Variants in HERC1 observed in about 807,000 individuals in gnomAD.
HERC1 encodes HECT and RLD domain containing E3 ubiquitin protein ligase family member 1, also known as probable E3 ubiquitin-protein ligase HERC1.
Under a neutral mutation model 554.3 loss-of-function variants are expected in HERC1, and 160 were observed. That is an observed-to-expected ratio of 0.29 (90% CI 0.25 to 0.33). HERC1 has a LOEUF of 0.33. Among genes scored for constraint, HERC1 ranks in the 10% least tolerant of loss-of-function variants. The probability of loss-of-function intolerance (pLI) is 1.00; values close to 1 mark genes in which losing one functional copy is unlikely to be tolerated. For missense variants in HERC1, 4,919 were observed against 5,918.5 expected (o/e 0.83, Z 5.54); for synonymous variants, 2,175 against 2,131.7 (o/e 1.02, Z -0.56).
At chr15:63,705,815 A>C (rs578247429) in intron 25 of HERC1, among the ~76,000 whole-genome samples, 127 of 152,172 alleles carry the variant, frequency 8.3e-4, no homozygotes, top group Non-Finnish European at 1.5e-3. Context: ...GGACTGCTTG[A>C]GCCCAGGAGT....
intron 61 of HERC1, 124 bp from the exon 62 acceptor site, chr15:63,638,900 AAATT>A: frequency 1.4e-6 from 1 of 722,410 alleles, no homozygotes; most frequent in Non-Finnish European, 2.4e-6. Flanking sequence ...ATATTATGAT[AAATT>A]AAGAGCAGTT....
Position 63,785,773 on chromosome 15 carries a change from GA to G in HERC1, c.-26-10125del, listed in dbSNP as rs1414517766. On this transcript the variant is annotated intron_variant, in intron 1 of 77. Coordinates refer to ENST00000443617, the MANE Select transcript of HERC1 (RefSeq NM_003922.4). Reference sequence around the variant, plus strand: ...AACAGAGACCCTGTCTCTAAATAAAGAAGGAAAGAAGGAAGGAAAAGGGGAA... The same window carrying G: ...AACAGAGACCCTGTCTCTAAATAAAGAGGAAAGAAGGAAGGAAAAGGGGAA... Among the ~76,000 whole-genome samples, 9 of 151,974 alleles carry G rather than the reference GA, an allele frequency of 5.9e-5. No homozygotes were observed. The East Asian group carries it at 1.5e-3, about 26-fold the overall frequency.
chr15:63,616,821 TAAATA>T, intron 74 of HERC1, 139 bp from the exon 75 acceptor site: 1 of 735,102 alleles, frequency 1.4e-6, no homozygotes. Flanking sequence ...CTAAAGTAAT[TAAATA>T]AAACTAAAAA....
At chr15:63,815,636 C>G (rs944005852) in intron 1 of HERC1, among the ~76,000 whole-genome samples, 1 of 152,188 alleles carries the variant, frequency 6.6e-6, no homozygotes, top group Non-Finnish European at 1.5e-5. Context: ...ATTTACCTAT[C>G]AAAAGTTTCT....
chr15:63,684,205 A>G lies in HERC1; in HGVS notation c.6225+2154T>C, dbSNP rs145585321. On this transcript the variant is annotated intron_variant, in intron 34 of 77. Transcript: ENST00000443617. ...GTCCCAACATGTTAAGCTTTCTAGA[A>G]TAGTTGCAGTTTGCAACAAGGGACT... 3.7e-4 allele frequency among the ~76,000 whole-genome samples: 56 copies of G among 152,328 alleles called. No individual in the cohort carries two copies. In the East Asian group the frequency reaches 9.4e-3, roughly 26 times the overall value.
At chr15:63,723,696 T>A (rs2073919139) in intron 18 of HERC1, among the ~76,000 whole-genome samples, 1 of 152,164 alleles carries the variant, frequency 6.6e-6, no homozygotes, top group African/African-American at 2.4e-5. Flanking sequence ...TGGTCTTGTA[T>A]AACAAAAAAC....
chr15:63,660,886 C>T lies in HERC1; in HGVS notation c.9223+87G>A, dbSNP rs1392865332. 3 of 832,498 alleles carry T rather than the reference C, an allele frequency of 3.6e-6. No homozygotes were observed. In the East Asian group the frequency reaches 7.3e-5, roughly 20 times the overall value. The allele number at this position is 832,498 out of a possible 1,614,324, so 51.6% of individuals were successfully genotyped here. A position where few individuals can be genotyped will look rare whatever the true frequency, so the allele number is the denominator to read the frequency against. On this transcript the variant is annotated intron_variant, in intron 46 of 77. Coordinates refer to ENST00000443617, the MANE Select transcript of HERC1 (RefSeq NM_003922.4). The stretch of plus-strand genomic sequence containing the variant: ...GTACACAAATACAAACACACACACA[C>T]ACGAAGGTGAATTTTAGTAACAGAT...
chr15:63,655,719 T>G (rs2069996217), intron 50 of HERC1, 23 bp downstream of exon 50: 1 of 1,438,930 alleles, frequency 6.9e-7, no homozygotes, highest in Non-Finnish European at 9.5e-7. Context: ...GAAGACTGTA[T>G]GTTTCAGTAG....
chr15:63,732,734 C>G (rs993795620), intron 14 of HERC1, among the ~76,000 whole-genome samples, 190 bp downstream of exon 14: 4 of 152,146 alleles, frequency 2.6e-5, no homozygotes, highest in African/African-American at 9.7e-5. Flanking sequence ...TAAAATAAAT[C>G]CCTTTGAAAT....
At chr15:63,683,172 G>GATGCAAA (rs1441552925) in intron 34 of HERC1, among the ~76,000 whole-genome samples, 1 of 147,300 alleles carries the variant, frequency 6.8e-6, no homozygotes, top group Non-Finnish European at 1.5e-5. Flanking sequence ...AAAAAATTAA[G>GATGCAAA]ATGCAAAATG....
chr15:63,641,329 C>G (rs1487665626), intron 60 of HERC1, 141 bp downstream of exon 60: 2 of 609,908 alleles, frequency 3.3e-6, no homozygotes, highest in South Asian at 7.4e-5. Context: ...TTAGGCATGA[C>G]TTACCTTCAT....
intron 34 of HERC1, among the ~76,000 whole-genome samples, chr15:63,684,911 A>G (rs577529826): frequency 6.6e-6 from 1 of 152,328 alleles, no homozygotes; most frequent in African/African-American, 2.4e-5. Flanking sequence ...TGGGAGGCTG[A>G]GGCAGGAGAA....
chr15:63,663,186 A>G lies in HERC1; in HGVS notation c.8699T>C (p.Val2900Ala). 1 of 1,614,016 alleles carries G rather than the reference A, an allele frequency of 6.2e-7. No homozygotes were observed. The highest frequency in any genetic ancestry group is 8.5e-7 in the Non-Finnish European group (1 of 1,179,878). ...CCGACTTTGATTCCTGTGGGCCTGC[A>G]CAGAGCGGTATAATCCCGCTCAGAA... is the stretch of plus-strand genomic sequence containing the variant. Reference protein sequence around the residue: ...LARAAGLYRSVQAHRNQSRRE... With the variant: ...LARAAGLYRSAQAHRNQSRRE... Residue 2900 changes from valine to alanine, a missense_variant, in exon 44 of 78, where the codon GTG (valine) becomes GCG (alanine). Physicochemically the swap from Val to Ala is moderately conservative, Grantham distance 64. Coordinates refer to ENST00000443617, the MANE Select transcript of HERC1 (RefSeq NM_003922.4).
At position 63,698,712 on chromosome 15, in the gene HERC1, A is replaced by C. The variant is rs1350931203; in HGVS notation, c.4905+16T>G. ...GTTTCCAGAGCTCTCATAAGGAGTA[A>C]ATATCAAAGACTTACTTCTGCCCTT... is the stretch of plus-strand genomic sequence containing the variant. On this transcript the variant is annotated intron_variant, in intron 26 of 77. Transcript: ENST00000443617. 6.2e-7 allele frequency: 1 copy of C among 1,607,438 alleles called. No homozygotes were observed. Among genetic ancestry groups the C allele is most frequent in the East Asian group, 2.2e-5 (1 of 44,802 alleles).
At position 63,634,901 on chromosome 15, in the gene HERC1, C is replaced by A. The variant is rs750391777; in HGVS notation, c.12415-13G>T. ...AGCCACAAGACATCTAAGACAGAAC[C>A]AAGGAGAAAGAAAATTTTTAAGAAG... On this transcript the variant is annotated splice_polypyrimidine_tract_variant and intron_variant, in intron 65 of 77. Coordinates refer to ENST00000443617, the MANE Select transcript of HERC1 (RefSeq NM_003922.4). 6.4e-7 allele frequency: 1 copy of A among 1,563,124 alleles called. No homozygotes were observed. The highest frequency in any genetic ancestry group is 1.2e-5 in the South Asian group (1 of 81,790).
At position 63,734,586 on chromosome 15, in the gene HERC1, G is replaced by T. The variant is rs1238137348; in HGVS notation, c.2646+138C>A. 1 of 601,252 alleles carries T rather than the reference G, an allele frequency of 1.7e-6. No homozygotes were observed. The highest frequency in any genetic ancestry group is 2.7e-6 in the Non-Finnish European group (1 of 373,534). The allele number at this position is 601,252 out of a possible 1,614,324, so 37.2% of individuals were successfully genotyped here. ...CACCTAAGGTTGTTAAGACAACTGGGAATTCTTCCAGCACAACACATTAAC... is the reference window on the plus strand; with the variant it reads ...CACCTAAGGTTGTTAAGACAACTGGTAATTCTTCCAGCACAACACATTAAC... On this transcript the variant is annotated intron_variant, in intron 13 of 77. Transcript: ENST00000443617. The surrounding 1 kb of genome is among the most constrained non-coding windows in gnomAD (Gnocchi z 4.6).
chr15:63,691,697 C>T (rs1449713760), intron 31 of HERC1, among the ~76,000 whole-genome samples: 3 of 151,580 alleles, frequency 2.0e-5, no homozygotes, highest in African/African-American at 4.9e-5. Context: ...GTATATTGAG[C>T]GTGTAAACAT....
chr15:63,815,206 C>T (rs1156610663), intron 1 of HERC1, among the ~76,000 whole-genome samples: 3 of 152,068 alleles, frequency 2.0e-5, no homozygotes, highest in African/African-American at 2.4e-5. Context: ...TAAATATGTC[C>T]GTTCCCTCCA....
chr15:63,707,959 A>C (rs62012361), intron 24 of HERC1, among the ~76,000 whole-genome samples: 37,791 of 145,552 alleles, frequency 0.26, 5,577 homozygotes, highest in Middle Eastern at 0.37. Context: ...AAAAAGAAGA[A>C]GTGACAAAAC....
Sources: allele counts gnomAD v4.1 joint callset (sites outside exome capture counted in the v4.1 genomes callset), GRCh38; gene constraint gnomAD v4.1.1; non-coding constraint Gnocchi (gnomAD v3.1); transcripts MANE v1.5; gene names NCBI Gene and HGNC (gene_info 2026-07-23, HGNC 2026-07-21).